MKS1: variants seen among roughly 807,000 people sequenced by gnomAD.
The protein encoded by MKS1 is tectonic-like complex member MKS1.
Under a neutral mutation model 83.7 loss-of-function variants are expected in MKS1, and 70 were observed. That is an observed-to-expected ratio of 0.84 (90% confidence interval 0.69 to 1.02). The LOEUF (loss-of-function observed/expected upper bound fraction) is 1.02, where lower values mean the gene tolerates loss of function less well. Ranked by LOEUF, MKS1 falls within the 50% of genes least tolerant of loss-of-function variation. MKS1 has a pLI of 0.00. For missense variants in MKS1, 681 were observed against 726.9 expected (o/e 0.94, Z 0.73); for synonymous variants, 251 against 273.4 (o/e 0.92, Z 0.81).
At chr17:58,207,243 G>C in intron 14 of MKS1, 25 bp from the exon 15 acceptor site, 1 of 1,613,194 alleles carries the variant, frequency 6.2e-7, no homozygotes, top group Non-Finnish European at 8.5e-7. Context: ...AGAAGACTGG[G>C]GCCAGGTCCA....
chr17:58,214,976 C>G (rs565078867), intron 4 of MKS1, 138 bp from the exon 5 acceptor site: 5 of 1,385,880 alleles, frequency 3.6e-6, no homozygotes, highest in Non-Finnish European at 4.9e-6. Flanking sequence ...ATTATACATG[C>G]TAACGGAGGG....
chr17:58,219,200 C>T lies in MKS1; in HGVS notation c.31G>A (p.Gly11Arg), dbSNP rs762103206. Reference sequence around the variant, plus strand: ...TCCCGGGAGCGATACACTGCCTCCCCGGTGTCAGTGCTCCAGACGGTCTCC... The same window carrying T: ...TCCCGGGAGCGATACACTGCCTCCCTGGTGTCAGTGCTCCAGACGGTCTCC... MAETVWSTDT[G>R]EAVYRSRDPV... The change falls in exon 1 of 18, where the codon GGG (glycine) becomes AGG (arginine). Residue 11 changes from glycine (G) to arginine (R), a missense_variant. Gly to Arg is a moderately radical substitution (Grantham distance 125). Transcript: ENST00000393119. The T allele has an allele frequency of 6.4e-6, 10 of 1,551,026 alleles. No individual in the cohort carries two copies. The highest frequency in any genetic ancestry group is 5.9e-5 in the South Asian group (5 of 84,062).
chr17:58,214,453 A>C, intron 5 of MKS1, 66 bp from the exon 6 acceptor site: 2 of 1,610,308 alleles, frequency 1.2e-6, no homozygotes, highest in Non-Finnish European at 1.7e-6. Flanking sequence ...GTGGAGAGCC[A>C]CTTCAGAATG....
chr17:58,207,574 A>G, intron 14 of MKS1: 1 of 539,476 alleles, frequency 1.9e-6, no homozygotes, highest in Non-Finnish European at 3.3e-6. Context: ...AGTAAAAGAC[A>G]GATGCTTTTA....
In MKS1 at chr17:58,206,658, T is replaced by TG. The variant is rs1342994684; in HGVS notation, c.1408-112dup. ...CCATTCTTGGGAAGCGCAGTTCTGT[T>TG]GGGGAAACCTTATTCCATCACCCAG... On this transcript the variant is annotated intron_variant, in intron 15 of 17. Coordinates refer to ENST00000393119, the MANE Select transcript of MKS1 (RefSeq NM_017777.4). 5 of 1,085,806 alleles carry TG rather than the reference T, an allele frequency of 4.6e-6. No homozygotes were observed. The East Asian group carries it at 1.0e-4, about 22-fold the overall frequency. 67.3% of individuals were successfully genotyped at this position (1,085,806 alleles called of 1,614,324 possible).
intron 10 of MKS1, 65 bp downstream of exon 10, chr17:58,210,915 C>T: frequency 6.4e-7 from 1 of 1,556,010 alleles, no homozygotes; most frequent in South Asian, 1.1e-5. Flanking sequence ...GTGGAGGAGA[C>T]TATTCACAGC....
At chr17:58,216,598 A>C in intron 3 of MKS1, 68 bp downstream of exon 3, 1 of 1,521,902 alleles carries the variant, frequency 6.6e-7, no homozygotes, top group Non-Finnish European at 9.1e-7. Flanking sequence ...CTTTGGCAAT[A>C]TGTATCACCA....
rs552668070 is a variant in MKS1, at chr17:58,210,690, G to C, written c.993C>G (p.Tyr331Ter). 2 of 1,614,020 alleles carry C rather than the reference G, an allele frequency of 1.2e-6. No homozygotes were observed. The highest frequency in any genetic ancestry group is 2.7e-5 in the African/African-American group (2 of 74,934). ...TTGGCAATTCTACAAAGAAGTGGAC[G>C]TAGAGATTGTCATACTCATAGCCTT... ...SAQGYEYDNLYVHFFVELPTA... is the reference protein window; with the variant it reads ...SAQGYEYDNL Residue 331 changes from tyrosine to a stop codon, truncating the protein, a stop_gained, in exon 11 of 18, where the codon TAC (tyrosine) becomes TAG (stop). Transcript: ENST00000393119. LOFTEE classifies it high-confidence loss of function.
At position 58,207,999 on chromosome 17, in the gene MKS1, C is replaced by T. The variant is rs1278555332; in HGVS notation, c.1168G>A (p.Ala390Thr). Residue 390 changes from alanine to threonine, a missense_variant and splice_region_variant, in exon 14 of 18, where the codon GCA (alanine) becomes ACA (threonine). Physicochemically the swap from Ala to Thr is moderately conservative, Grantham distance 58. This residue lies in a region of MKS1 where 310 missense variants were observed against 321.7 expected (regional missense o/e 0.96). Transcript: ENST00000393119. Reference sequence around the variant, plus strand: ...TAGAGCACAGGCCACTCCGGGAGTGCATCTGGGAGCAAGGAGAGAAGCGGC... The same window carrying T: ...TAGAGCACAGGCCACTCCGGGAGTGTATCTGGGAGCAAGGAGAGAAGCGGC... ...FFLHEDESSD[A>T]LPEWPVLYCE... is the part of the protein sequence containing the mutation. 1.2e-6 allele frequency: 2 copies of T among 1,613,616 alleles called. No homozygotes were observed. Among genetic ancestry groups the T allele is most frequent in the Non-Finnish European group, 1.7e-6 (2 of 1,179,628 alleles).
chr17:58,210,683 A>T lies in MKS1; in HGVS notation c.1000T>A (p.Phe334Ile). 6.2e-7 allele frequency: 1 copy of T among 1,614,128 alleles called. No homozygotes were observed. The highest frequency in any genetic ancestry group is 8.5e-7 in the Non-Finnish European group (1 of 1,179,934). Residue 334 changes from phenylalanine to isoleucine, a missense_variant, in exon 11 of 18, where the codon TTC becomes ATC. By Grantham distance (21) the Phe-to-Ile change is conservative. This residue lies in a region of MKS1 where 310 missense variants were observed against 321.7 expected (regional missense o/e 0.96). Transcript: ENST00000393119. ...CGAGCAGTTGGCAATTCTACAAAGA[A>T]GTGGACGTAGAGATTGTCATACTCA... ...GYEYDNLYVHFFVELPTAHWS... is the reference protein window; with the variant it reads ...GYEYDNLYVHIFVELPTAHWS...
At chr17:58,208,342 CAA>C in intron 12 of MKS1, 168 bp from the exon 13 acceptor site, 1 of 962,688 alleles carries the variant, frequency 1.0e-6, no homozygotes. Flanking sequence ...CTGCCATGCT[CAA>C]AAAGACAGAC....
chr17:58,214,184 A>G, intron 6 of MKS1, 75 bp downstream of exon 6: 1 of 1,600,096 alleles, frequency 6.2e-7, no homozygotes, highest in Non-Finnish European at 8.6e-7. Context: ...CTAGGATGAT[A>G]ATAACAGGAA....
In MKS1 at chr17:58,210,643, T is replaced by A. The variant is rs771845897; in HGVS notation, c.1024+16A>T. ...CTGAATGGGTATAAAAGGAGAGACT[T>A]AAGAATATTACTTACGAGCAGTTGG... On this transcript the variant is annotated intron_variant, in intron 11 of 17. Transcript: ENST00000393119. The A allele has an allele frequency of 1.2e-6, 2 of 1,609,666 alleles. No individual in the cohort carries two copies. The highest frequency in any genetic ancestry group is 2.7e-5 in the African/African-American group (2 of 74,914).
chr17:58,208,172 G>C lies in MKS1; in HGVS notation c.1098C>G (p.Asp366Glu), dbSNP rs1374437999. 8.7e-6 allele frequency: 14 copies of C among 1,611,462 alleles called. No homozygotes were observed. Among genetic ancestry groups the C allele is most frequent in the Non-Finnish European group, 1.2e-5 (14 of 1,177,690 alleles). Residue 366 changes from aspartate to glutamate, a missense_variant and splice_region_variant, in exon 13 of 18, where the codon GAC (aspartate) becomes GAG (glutamate). Asp to Glu is a conservative substitution (Grantham distance 45). Around this residue, in one of 3 missense-constraint regions of MKS1, gnomAD observed 310 missense variants for 321.7 expected, o/e 0.96. Transcript: ENST00000393119. ...QTCTTKSLAM[D>E]KVAHFSYPFT... The stretch of plus-strand genomic sequence containing the variant: ...ATGGGTAGGAGAAGTGAGCCACCTT[G>C]TCCTATAAAAAGGAGTGTCATAGGG...
chr17:58,208,469 G>T, intron 12 of MKS1, 44 bp downstream of exon 12: 1 of 1,597,810 alleles, frequency 6.3e-7, no homozygotes, highest in Non-Finnish European at 8.6e-7. Context: ...CATCCCAGGA[G>T]CAGATCTCAT....
chr17:58,218,846 G>C, intron 1 of MKS1, 117 bp from the exon 2 acceptor site: 1 of 978,234 alleles, frequency 1.0e-6, no homozygotes, highest in African/African-American at 1.6e-5. Flanking sequence ...GCTGGGTGCA[G>C]ACAACGGAGA....
At chr17:58,219,046 T>C (rs1969434432) in intron 1 of MKS1, 105 bp downstream of exon 1, 1 of 1,459,962 alleles carries the variant, frequency 6.8e-7, no homozygotes. Flanking sequence ...GGAGAAGTGG[T>C]CGGGATTGTA....
intron 3 of MKS1, 21 bp from the exon 4 acceptor site, chr17:58,216,264 CAG>C (rs1446901499): frequency 3.7e-6 from 6 of 1,608,638 alleles, no homozygotes; most frequent in Non-Finnish European, 5.1e-6. Context: ...CATAAGGAAA[CAG>C]AGATGTGTAC....
chr17:58,215,178 A>C (rs114529761), intron 4 of MKS1, among the ~76,000 whole-genome samples: 1,819 of 152,340 alleles, frequency 0.012, 49 homozygotes, highest in African/African-American at 0.042. Flanking sequence ...AATGGGATAC[A>C]AGCATTTTGT....
Sources: allele counts gnomAD v4.1 joint callset (sites outside exome capture counted in the v4.1 genomes callset), GRCh38; gene constraint gnomAD v4.1.1; regional missense constraint gnomAD v4.1.1; transcripts MANE v1.5; gene names NCBI Gene and HGNC (gene_info 2026-07-23, HGNC 2026-07-21).